SLC24A3: variants seen among roughly 807,000 people sequenced by gnomAD.
The protein encoded by SLC24A3 is sodium/potassium/calcium exchanger 3.
Under a neutral mutation model 75.8 loss-of-function variants are expected in SLC24A3, and 28 were observed. That is an observed-to-expected ratio of 0.37 (90% CI 0.27 to 0.51). SLC24A3 has a LOEUF of 0.51. Among genes scored for constraint, SLC24A3 ranks in the 20% least tolerant of loss-of-function variants. The probability of loss-of-function intolerance (pLI) is 0.94; values close to 1 mark genes in which losing one functional copy is unlikely to be tolerated. For missense variants in SLC24A3, 663 were observed against 847.8 expected (o/e 0.78, Z 2.71); for synonymous variants, 372 against 334.1 (o/e 1.11, Z -1.24).
intron 1 of SLC24A3, chr20:19,257,671 A>C (rs1437340928): frequency 2.0e-5 from 3 of 152,178 alleles, no homozygotes; most frequent in Admixed American, 2.0e-4. Context: ...TCTCACTTAT[A>C]TCTCTTTTCA....
chr20:19,602,536 A>C (rs1338377322), intron 6 of SLC24A3, among the ~76,000 whole-genome samples: 1 of 152,204 alleles, frequency 6.6e-6, no homozygotes, highest in Non-Finnish European at 1.5e-5. Flanking sequence ...AGTTTCACCC[A>C]GGTAGGAAAT....
Position 19,459,118 on chromosome 20 carries a change from A to C in SLC24A3, c.272-56370A>C, listed in dbSNP as rs575098265. Among the ~76,000 whole-genome samples, 151 of 152,324 alleles carry C rather than the reference A, an allele frequency of 9.9e-4. 1 individual carries two copies. Among genetic ancestry groups the C allele is most frequent in the African/African-American group, 3.5e-3 (147 of 41,570 alleles). On this transcript the variant is annotated intron_variant, in intron 2 of 16. Transcript: ENST00000328041. ...CCTACCTGTGGGGACTGCAAGATTG[A>C]TATGTGTGATACATCCTTCTTGGTT...
intron 2 of SLC24A3, among the ~76,000 whole-genome samples, chr20:19,386,087 AT>A (rs1986268378): frequency 6.6e-6 from 1 of 151,766 alleles, no homozygotes; most frequent in African/African-American, 2.4e-5. Context: ...TGTATTTTTC[AT>A]TTTTTTCAGC....
chr20:19,372,383 C>T (rs2122358465), intron 2 of SLC24A3, among the ~76,000 whole-genome samples: 1 of 152,330 alleles, frequency 6.6e-6, no homozygotes, highest in Non-Finnish European at 1.5e-5. Context: ...CCACAGCTCA[C>T]TGATGCTCTC....
chr20:19,675,972 T>C (rs182464460), intron 9 of SLC24A3, among the ~76,000 whole-genome samples: 73 of 152,330 alleles, frequency 4.8e-4, no homozygotes, highest in African/African-American at 2.2e-4. Context: ...GAGGCTCTAA[T>C]TGAGCTCCCA....
chr20:19,558,169 CT>C (rs2030820102), intron 3 of SLC24A3, among the ~76,000 whole-genome samples: 1 of 152,112 alleles, frequency 6.6e-6, no homozygotes, highest in African/African-American at 2.4e-5. Flanking sequence ...CATGGGCTTA[CT>C]AAGTTTTTAA....
chr20:19,479,849 C>G (rs912643432), intron 2 of SLC24A3, among the ~76,000 whole-genome samples: 9 of 152,176 alleles, frequency 5.9e-5, no homozygotes, highest in African/African-American at 2.2e-4. Flanking sequence ...GCTTAAGGCA[C>G]ATGGTTGGGA....
At chr20:19,409,495 A>T (rs1369580848) in intron 2 of SLC24A3, among the ~76,000 whole-genome samples, 6 of 152,142 alleles carry the variant, frequency 3.9e-5, no homozygotes, top group African/African-American at 1.4e-4. Context: ...GGTTCTGAGC[A>T]CCTTTGTGGA....
intron 2 of SLC24A3, among the ~76,000 whole-genome samples, chr20:19,470,059 CTG>C (rs1987842118): frequency 1.3e-5 from 2 of 152,176 alleles, no homozygotes; most frequent in Admixed American, 1.3e-4. Context: ...AGTTTTAGGA[CTG>C]TGCACAAGTG....
intron 2 of SLC24A3, among the ~76,000 whole-genome samples, chr20:19,340,166 A>G (rs1186578302): frequency 6.6e-6 from 1 of 152,204 alleles, no homozygotes; most frequent in Non-Finnish European, 1.5e-5. Flanking sequence ...TACAGAGGTA[A>G]TTAAGTTAAA....
At chr20:19,346,899 A>G (rs1396998513) in intron 2 of SLC24A3, among the ~76,000 whole-genome samples, 1 of 152,236 alleles carries the variant, frequency 6.6e-6, no homozygotes, top group African/African-American at 2.4e-5. Flanking sequence ...GTTTAAACAC[A>G]CAAACAGTAA....
intron 3 of SLC24A3, among the ~76,000 whole-genome samples, chr20:19,518,331 T>C (rs598361): frequency 0.15 from 23,383 of 152,190 alleles, 2,146 homozygotes; most frequent in East Asian, 0.32. Context: ...AGGACATGGC[T>C]TCACTCTGAA....
At chr20:19,440,833 G>T (rs575758279) in intron 2 of SLC24A3, among the ~76,000 whole-genome samples, 1 of 152,066 alleles carries the variant, frequency 6.6e-6, no homozygotes, top group Non-Finnish European at 1.5e-5. Flanking sequence ...TTAAGGGCTC[G>T]GGTGGAGGGC....
At chr20:19,337,598 A>G (rs1985165640) in intron 2 of SLC24A3, among the ~76,000 whole-genome samples, 2 of 152,188 alleles carry the variant, frequency 1.3e-5, no homozygotes, top group African/African-American at 4.8e-5. Context: ...TGTCTTGGGG[A>G]AAGATTCTCC....
At chr20:19,367,700 A>C (rs1985918334) in intron 2 of SLC24A3, among the ~76,000 whole-genome samples, 1 of 152,150 alleles carries the variant, frequency 6.6e-6, no homozygotes, top group South Asian at 2.1e-4. Flanking sequence ...AGCATTAGTT[A>C]ATTTCTTCCT....
chr20:19,670,953 G>GCCT (rs2032459094), intron 8 of SLC24A3, among the ~76,000 whole-genome samples: 1 of 152,196 alleles, frequency 6.6e-6, no homozygotes, highest in Non-Finnish European at 1.5e-5. Flanking sequence ...CAGATACCAG[G>GCCT]GAAGGTGTCA....
intron 3 of SLC24A3, 96 bp downstream of exon 3, chr20:19,515,660 G>T (rs1263171225): frequency 8.0e-7 from 1 of 1,257,110 alleles, no homozygotes; most frequent in African/African-American, 1.5e-5. Flanking sequence ...GATTCTCTCT[G>T]CCCTCCTGTT....
intron 6 of SLC24A3, among the ~76,000 whole-genome samples, chr20:19,635,729 T>C (rs2031992340): frequency 6.6e-6 from 1 of 152,216 alleles, no homozygotes; most frequent in South Asian, 2.1e-4. Flanking sequence ...GACTATCACC[T>C]GGAGCACCTT....
chr20:19,678,075 A>T (rs1415910243), intron 9 of SLC24A3, among the ~76,000 whole-genome samples: 1 of 151,312 alleles, frequency 6.6e-6, no homozygotes, highest in Non-Finnish European at 1.5e-5. Flanking sequence ...TTCTTAGTAC[A>T]GAACAAAATG....
Sources: allele counts gnomAD v4.1 joint callset (sites outside exome capture counted in the v4.1 genomes callset), GRCh38; gene constraint gnomAD v4.1.1; transcripts MANE v1.5; gene names NCBI Gene and HGNC (gene_info 2026-07-23, HGNC 2026-07-21).